Variants in DNAH8 observed in about 807,000 individuals in gnomAD.
The protein encoded by DNAH8 is axonemal beta dynein heavy chain 8.
A neutral mutation model predicts 562.1 loss-of-function variants in DNAH8; 382 were observed. The observed-to-expected ratio is 0.68, with a 90% CI of 0.63 to 0.74. The LOEUF (loss-of-function observed/expected upper bound fraction) is 0.74, where lower values mean the gene tolerates loss of function less well. DNAH8 is among the 30% of genes least tolerant of loss of function. The pLI is 0.00. For synonymous variants in DNAH8, 1,881 were observed against 1,919.4 expected, an observed-to-expected ratio of 0.98 and a Z score of 0.52; for missense variants, 5,203 against 5,620.4, an observed-to-expected ratio of 0.93 and a Z score of 2.37.
At chr6:38,817,161 G>A (rs1228986476) in intron 26 of DNAH8, among the ~76,000 whole-genome samples, 1 of 152,140 alleles carries the variant, frequency 6.6e-6, no homozygotes, top group Non-Finnish European at 1.5e-5. Context: ...TGGCCAACAT[G>A]GCAAAACACT....
intron 87 of DNAH8, among the ~76,000 whole-genome samples, chr6:38,986,685 C>T (rs562363997): frequency 1.4e-4 from 21 of 152,340 alleles, no homozygotes; most frequent in African/African-American, 5.1e-4. Flanking sequence ...GAATATAATT[C>T]ACCAAGAGTA....
chr6:38,978,059 G>A (rs1204238381), intron 85 of DNAH8, among the ~76,000 whole-genome samples: 1 of 152,242 alleles, frequency 6.6e-6, no homozygotes, highest in Non-Finnish European at 1.5e-5. Flanking sequence ...ATAGTCTGGA[G>A]TTTTTCTCCC....
At position 38,909,514 on chromosome 6, in the gene DNAH8, A is replaced by G. The variant is rs779934534; in HGVS notation, c.9514-4A>G. 1.4e-5 allele frequency: 22 copies of G among 1,613,784 alleles called. No individual in the cohort carries two copies. The highest frequency in any genetic ancestry group is 2.7e-5 in the African/African-American group (2 of 74,890). On this transcript the variant is annotated splice_region_variant and splice_polypyrimidine_tract_variant and intron_variant, in intron 64 of 92. Coordinates refer to ENST00000327475, the MANE Select transcript of DNAH8 (RefSeq NM_001206927.2). ...CTAATGTTTGTTGACTTTGCTATCA[A>G]TAGGTTGGTGAGAAGTTCCGTGCCC...
chr6:38,800,062 T>C (rs1257959162), intron 21 of DNAH8, among the ~76,000 whole-genome samples: 1 of 152,200 alleles, frequency 6.6e-6, no homozygotes, highest in African/African-American at 2.4e-5. Context: ...GATTCCCCTG[T>C]CTCACAAAAC....
At chr6:38,909,422 T>C in intron 64 of DNAH8, 96 bp from the exon 65 acceptor site, 1 of 1,067,892 alleles carries the variant, frequency 9.4e-7, no homozygotes, top group South Asian at 1.4e-5. Flanking sequence ...TTCAAATCTG[T>C]GATGTCACAC....
intron 36 of DNAH8, among the ~76,000 whole-genome samples, chr6:38,845,979 A>G (rs1775265917): frequency 6.6e-6 from 1 of 150,398 alleles, no homozygotes; most frequent in African/African-American, 2.4e-5. Context: ...CCCCTTCCCT[A>G]TTTTTCCTGG....
At chr6:38,863,783 A>G (rs781135556) in intron 44 of DNAH8, 90 bp from the exon 45 acceptor site, 119 of 1,059,748 alleles carry the variant, frequency 1.1e-4, no homozygotes, top group Non-Finnish European at 1.5e-4. Flanking sequence ...GTTTCAATGT[A>G]TAATGGTTTG....
chr6:38,759,914 T>G (rs1307400632), intron 10 of DNAH8, among the ~76,000 whole-genome samples: 1 of 152,102 alleles, frequency 6.6e-6, no homozygotes, highest in Non-Finnish European at 1.5e-5. Context: ...GAGCCCAATC[T>G]CTCTTTCCTG....
chr6:38,949,308 C>A, intron 80 of DNAH8, 144 bp from the exon 81 acceptor site: 1 of 644,736 alleles, frequency 1.6e-6, no homozygotes, highest in Non-Finnish European at 2.8e-6. Flanking sequence ...GTCATTGATC[C>A]TGAAGAAAGG....
At chr6:38,870,623 G>C in intron 49 of DNAH8, 61 bp downstream of exon 49, 1 of 1,497,404 alleles carries the variant, frequency 6.7e-7, no homozygotes, top group Non-Finnish European at 9.1e-7. Flanking sequence ...ATTCCTGTCT[G>C]AATAGAAAAA....
intron 88 of DNAH8, among the ~76,000 whole-genome samples, chr6:39,003,155 C>G (rs963565438): frequency 2.0e-5 from 3 of 152,144 alleles, no homozygotes; most frequent in Admixed American, 6.5e-5. Flanking sequence ...TAGGATTCTG[C>G]CAATTCGTGT....
In DNAH8 at chr6:38,898,359, T is replaced by A; in HGVS notation, c.9042T>A (p.Asp3014Glu). ...GTSLDLVFFK[D>E]AMTHLIKISR... is the part of the protein sequence containing the mutation. The stretch of plus-strand genomic sequence containing the variant: ...CTCTTGATCTGGTGTTTTTTAAAGA[T>A]GCAATGACTCATCTTATTAAGGTCC... Residue 3014 changes from aspartate to glutamate, a missense_variant, in exon 61 of 93, where the codon GAT (aspartate) becomes GAA (glutamate). Physicochemically the swap from Asp to Glu is conservative, Grantham distance 45 (BLOSUM62 2). This residue lies in a region of DNAH8 where 977 missense variants were observed against 1,061.8 expected (regional missense o/e 0.92). Transcript: ENST00000327475. The A allele has an allele frequency of 6.3e-7, 1 of 1,580,516 alleles. No individual in the cohort carries two copies. Among genetic ancestry groups the A allele is most frequent in the Non-Finnish European group, 8.6e-7 (1 of 1,169,494 alleles).
At chr6:38,898,967 G>T (rs1779888906) in intron 61 of DNAH8, among the ~76,000 whole-genome samples, 1 of 152,120 alleles carries the variant, frequency 6.6e-6, no homozygotes, top group Admixed American at 6.5e-5. Context: ...AGCCATAAGT[G>T]ATTAATATAT....
In DNAH8 at chr6:38,775,781, A is replaced by T. The variant is rs370147660; in HGVS notation, c.1792A>T (p.Thr598Ser). 24 of 1,597,542 alleles carry T rather than the reference A, an allele frequency of 1.5e-5. No individual in the cohort carries two copies. The African/African-American group carries it at 3.0e-4, about 20-fold the overall frequency. ...TACAGAAATGATAACTGTTGTGCAAACATATTCAACCTTGAGTAATTCTAC... is the reference window on the plus strand; with the variant it reads ...TACAGAAATGATAACTGTTGTGCAATCATATTCAACCTTGAGTAATTCTAC... ...KITEMITVVQ[T>S]YSTLSNSTIE... The change falls in exon 13 of 93, where the codon ACA (threonine) becomes TCA (serine). Residue 598 changes from threonine to serine, a missense_variant. This residue lies in a region of DNAH8 where 2,176 missense variants were observed against 2,365.1 expected (regional missense o/e 0.92). Transcript: ENST00000327475.
intron 12 of DNAH8, among the ~76,000 whole-genome samples, chr6:38,773,010 G>T (rs1767729174): frequency 1.1e-5 from 1 of 91,366 alleles, no homozygotes; most frequent in Admixed American, 1.2e-4. Context: ...TAGAGATGGG[G>T]TCTTGCTATG....
At chr6:38,852,850 G>T (rs1199574033) in intron 40 of DNAH8, 52 bp downstream of exon 40, 52 of 1,393,656 alleles carry the variant, frequency 3.7e-5, no homozygotes, top group Non-Finnish European at 5.1e-5. Flanking sequence ...AAAAACTTAG[G>T]TTGAGGAGAA....
rs1583215296 is a variant in DNAH8 at position 38,864,363 on chromosome 6, ATCAGATG to A, written c.6498+304_6498+310del. ...GCAGGCTAAATGTTCTATGTGCTAT[ATCAGATG>A]GCATAACTCATGTGGTTCTGCAGTA... On this transcript the variant is annotated intron_variant, in intron 45 of 92. Coordinates refer to ENST00000327475, the MANE Select transcript of DNAH8 (RefSeq NM_001206927.2). Among the ~76,000 whole-genome samples, 4 of 152,222 alleles carry A rather than the reference ATCAGATG, an allele frequency of 2.6e-5. No homozygotes were observed. The East Asian group carries it at 5.8e-4, about 22-fold the overall frequency.
chr6:38,938,359 G>C (rs1447894429), intron 78 of DNAH8, 133 bp downstream of exon 78: 2 of 1,045,420 alleles, frequency 1.9e-6, no homozygotes, highest in Non-Finnish European at 2.8e-6. Flanking sequence ...ATCAACAGTA[G>C]AGTGGATAAA....
intron 62 of DNAH8, among the ~76,000 whole-genome samples, chr6:38,901,125 G>A (rs192241214): frequency 6.6e-6 from 1 of 151,672 alleles, no homozygotes. Flanking sequence ...GGATATAAAG[G>A]GTGTATATTG....
Sources: gnomAD v4.1 joint callset for allele counts (sites outside exome capture counted in the v4.1 genomes callset) on GRCh38, gnomAD v4.1.1 for gene constraint, gnomAD v4.1.1 regional missense constraint, MANE v1.5 for transcripts, NCBI Gene and HGNC (gene_info 2026-07-23, HGNC 2026-07-21) for gene names.